COL4A4: variants seen among roughly 807,000 people sequenced by gnomAD.
COL4A4 encodes the protein collagen alpha-4(IV) chain.
Under a neutral mutation model 192.9 loss-of-function variants are expected in COL4A4, and 105 were observed. That is an observed-to-expected ratio of 0.54 (90% CI 0.46 to 0.64). The LOEUF is 0.64. Ranked by LOEUF, COL4A4 falls within the 30% of genes least tolerant of loss-of-function variation. COL4A4 has a pLI of 0.00. For missense variants in COL4A4, 1,967 were observed against 2,169.3 expected, an observed-to-expected ratio of 0.91 and a Z score of 1.85; for synonymous variants, 762 against 769.9, an observed-to-expected ratio of 0.99 and a Z score of 0.17.
At chr2:227,045,485 C>CT (rs1972296126) in intron 35 of COL4A4, among the ~76,000 whole-genome samples, 1 of 133,746 alleles carries the variant, frequency 7.5e-6, no homozygotes, top group Admixed American at 7.7e-5. Flanking sequence ...TATACTATGT[C>CT]TAGGCCGGGC....
intron 12 of COL4A4, among the ~76,000 whole-genome samples, chr2:227,107,973 G>C (rs1028570634): frequency 5.3e-5 from 8 of 151,924 alleles, no homozygotes; most frequent in African/African-American, 1.9e-4. Flanking sequence ...GGCCAGGATG[G>C]TCTCAGTCTC....
At chr2:227,070,656 G>A (rs1479626510) in intron 25 of COL4A4, among the ~76,000 whole-genome samples, 1 of 144,802 alleles carries the variant, frequency 6.9e-6, no homozygotes, top group African/African-American at 2.5e-5. Context: ...ACTCATAGGT[G>A]GGAATTGAAC....
In COL4A4 at chr2:227,043,085, C is replaced by A; in HGVS notation, c.3389G>T (p.Gly1130Val). ...PGPPGSSGPP[G>V]CPGDHGMPGL... ...ATTTCCTTTCAAGGTACCTGGGCAC[C>A]CTGGTGGTCCAGAGGAGCCAGGTGG... The change falls in exon 36 of 48, where the codon GGG becomes GTG. Residue 1130 changes from glycine (G) to valine (V), a missense_variant. Gly to Val is a moderately radical substitution (Grantham distance 109). Coordinates refer to ENST00000396625, the MANE Select transcript of COL4A4 (RefSeq NM_000092.5). 2 of 1,612,724 alleles carry A rather than the reference C, an allele frequency of 1.2e-6. No individual in the cohort carries two copies. The highest frequency in any genetic ancestry group is 1.7e-6 in the Non-Finnish European group (2 of 1,179,392).
chr2:227,163,379 A>G (rs2065008571), intron 1 of COL4A4, among the ~76,000 whole-genome samples: 1 of 152,242 alleles, frequency 6.6e-6, no homozygotes. Context: ...TGTTAAATCA[A>G]GCTATTTAAT....
At chr2:227,101,598 C>T (rs373817223) in intron 16 of COL4A4, 41 bp from the exon 17 acceptor site, 3 of 1,505,296 alleles carry the variant, frequency 2.0e-6, no homozygotes, top group Admixed American at 3.4e-5. Flanking sequence ...AAAAAAGTGA[C>T]TGGGTGACAA....
rs968317604 is a variant in COL4A4 at position 227,123,814 on chromosome 2, C to T, written c.193-2666G>A. Among the ~76,000 whole-genome samples the T allele has an allele frequency of 1.3e-5, 2 of 152,088 alleles. No homozygotes were observed. The highest frequency in any genetic ancestry group is 2.9e-5 in the Non-Finnish European group (2 of 68,032). The stretch of plus-strand genomic sequence containing the variant: ...GCCAGCAAAGTCCATCTGTTCAGGC[C>T]GACATAGAACATCCTCCCCAAGCTC... On this transcript the variant is annotated intron_variant, in intron 4 of 47. Transcript: ENST00000396625. The surrounding 1 kb of genome is among the most constrained non-coding windows in gnomAD (Gnocchi z 4.6).
At chr2:227,024,798 T>C (rs1298439402) in intron 43 of COL4A4, among the ~76,000 whole-genome samples, 1 of 152,256 alleles carries the variant, frequency 6.6e-6, no homozygotes, top group East Asian at 1.9e-4. Flanking sequence ...GCTTTTCTAC[T>C]ATGGGTGACT....
intron 25 of COL4A4, among the ~76,000 whole-genome samples, chr2:227,073,811 T>TAAGAA (rs1012545840): frequency 4.6e-5 from 7 of 152,056 alleles, no homozygotes. Flanking sequence ...ACACCCTATT[T>TAAGAA]AATAAATGAT....
At chr2:227,038,071 T>C (rs1395148172) in intron 37 of COL4A4, among the ~76,000 whole-genome samples, 1 of 152,242 alleles carries the variant, frequency 6.6e-6, no homozygotes, top group Non-Finnish European at 1.5e-5. Flanking sequence ...TTTAGTTTAA[T>C]TAGATCCCAT....
chr2:227,063,113 G>A (rs1335617723), intron 25 of COL4A4, among the ~76,000 whole-genome samples: 3 of 152,144 alleles, frequency 2.0e-5, no homozygotes, highest in Non-Finnish European at 4.4e-5. Flanking sequence ...ACCACTTATT[G>A]AGGGTTGGTG....
At chr2:227,155,331 C>T (rs957984798) in intron 1 of COL4A4, among the ~76,000 whole-genome samples, 2 of 152,176 alleles carry the variant, frequency 1.3e-5, no homozygotes, top group Non-Finnish European at 1.5e-5. Flanking sequence ...TCATTTTCCC[C>T]TTGAGGTCTC....
intron 1 of COL4A4, among the ~76,000 whole-genome samples, chr2:227,151,394 T>C (rs1421416246): frequency 2.0e-5 from 3 of 152,236 alleles, no homozygotes; most frequent in East Asian, 1.9e-4. Context: ...TGTTAGTGAA[T>C]GAATTGGGCC....
intron 1 of COL4A4, among the ~76,000 whole-genome samples, chr2:227,158,192 A>G (rs1264725683): frequency 6.6e-6 from 1 of 152,154 alleles, no homozygotes; most frequent in African/African-American, 2.4e-5. Flanking sequence ...CATGATGATC[A>G]ATTGATTTTT....
intron 25 of COL4A4, among the ~76,000 whole-genome samples, chr2:227,071,794 T>C (rs1395759334): frequency 6.6e-6 from 1 of 152,190 alleles, no homozygotes. Flanking sequence ...TGCTCCTGAA[T>C]GATATCTGGG....
intron 44 of COL4A4, among the ~76,000 whole-genome samples, chr2:227,015,108 C>G (rs1477091833): frequency 6.6e-6 from 1 of 152,012 alleles, no homozygotes; most frequent in Non-Finnish European, 1.5e-5. Context: ...ACCATGTTGG[C>G]CAGGCTGGTC....
chr2:227,108,855 T>C lies in COL4A4; in HGVS notation c.671A>G (p.Gln224Arg). ...TACCTTCAAACCTGGACGCCCTGGTTGGCCCGGAGGTCCCTAAATCAAGGG... is the reference window on the plus strand; with the variant it reads ...TACCTTCAAACCTGGACGCCCTGGTCGGCCCGGAGGTCCCTAAATCAAGGG... Reference protein sequence around the residue: ...GEPGLVGPPGQPGRPGLKGNP... With the variant: ...GEPGLVGPPGRPGRPGLKGNP... Residue 224 changes from glutamine (Q) to arginine (R), a missense_variant, in exon 11 of 48, where the codon CAA becomes CGA. By Grantham distance (43) the Gln-to-Arg change is conservative (BLOSUM62 1). Transcript: ENST00000396625. The C allele has an allele frequency of 1.2e-6, 2 of 1,612,060 alleles. No homozygotes were observed. Among genetic ancestry groups the C allele is most frequent in the African/African-American group, 2.7e-5 (2 of 75,018 alleles).
At position 227,094,268 on chromosome 2, in the gene COL4A4, G is replaced by A. The variant is rs747508280; in HGVS notation, c.1226C>T (p.Pro409Leu). ...CCCAGGAAGACCAGGAAATCCTTGT[G>A]GCCCAGGGGGTCCTATCATGCCTGC... is the stretch of plus-strand genomic sequence containing the variant. ...ACAGMIGPPG[P>L]QGFPGLPGLP... The change falls in exon 20 of 48, where the codon CCA becomes CTA. Residue 409 changes from proline to leucine, a missense_variant. By Grantham distance (98) the Pro-to-Leu change is moderately conservative. Transcript: ENST00000396625. 6.2e-7 allele frequency: 1 copy of A among 1,613,638 alleles called. No homozygotes were observed. The highest frequency in any genetic ancestry group is 1.7e-5 in the Admixed American group (1 of 59,966).
In COL4A4 at chr2:227,121,000, A is replaced by G. The variant is rs1400181110; in HGVS notation, c.327+14T>C. ...GAGTCTTTCATGTGAATCTCCACAT[A>G]AGATGTGGCTTACCTTATCTCCTTT... is the stretch of plus-strand genomic sequence containing the variant. On this transcript the variant is annotated intron_variant, in intron 5 of 47. Coordinates refer to ENST00000396625, the MANE Select transcript of COL4A4 (RefSeq NM_000092.5). The G allele has an allele frequency of 1.2e-5, 20 of 1,613,822 alleles. No homozygotes were observed. The highest frequency in any genetic ancestry group is 1.7e-5 in the Non-Finnish European group (20 of 1,179,898).
rs1962307994 is a variant in COL4A4, at chr2:227,007,116, C to T, written c.*209G>A. The T allele has an allele frequency of 4.3e-6, 3 of 691,206 alleles. No homozygotes were observed. In the Admixed American group the frequency reaches 6.7e-5, roughly 15 times the overall value. The allele number at this position is 691,206 out of a possible 1,614,324, so 42.8% of individuals were successfully genotyped here. A position where few individuals can be genotyped will look rare whatever the true frequency, so the allele number is the denominator to read the frequency against. On this transcript the variant is annotated 3_prime_UTR_variant, in exon 48 of 48. Coordinates refer to ENST00000396625, the MANE Select transcript of COL4A4 (RefSeq NM_000092.5). ...AGTAAAATAAGAGTATCTAGGCTCC[C>T]TAGATTGGGAGGTCCAAACAAATCC...
Sources: allele counts gnomAD v4.1 joint callset (sites outside exome capture counted in the v4.1 genomes callset), GRCh38; gene constraint gnomAD v4.1.1; non-coding constraint Gnocchi (gnomAD v3.1); transcripts MANE v1.5; gene names NCBI Gene and HGNC (gene_info 2026-07-23, HGNC 2026-07-21).